The following NDUFAF2 variants were observed in gnomAD, a reference collection of about 807,000 sequenced individuals.
The protein encoded by NDUFAF2 is NADH:ubiquinone oxidoreductase complex assembly factor 2.
A neutral mutation model predicts 22.8 loss-of-function variants in NDUFAF2; 13 were observed. The observed-to-expected ratio is 0.57, with a 90% CI of 0.37 to 0.91. The LOEUF is 0.91. Ranked by LOEUF, NDUFAF2 falls within the 40% of genes least tolerant of loss-of-function variation. NDUFAF2 has a pLI of 0.01. For missense variants in NDUFAF2, 162 were observed against 195.2 expected, an observed-to-expected ratio of 0.83 and a Z score of 1.01; for synonymous variants, 53 against 64.2, an observed-to-expected ratio of 0.83 and a Z score of 0.84.
At chr5:61,005,709 T>C (rs188939141) in intron 1 of NDUFAF2, among the ~76,000 whole-genome samples, 1 of 152,368 alleles carries the variant, frequency 6.6e-6, no homozygotes, top group East Asian at 1.9e-4. Context: ...GAGCATTTTT[T>C]CATGTGTCTG....
intron 1 of NDUFAF2, among the ~76,000 whole-genome samples, chr5:60,955,676 C>T (rs888596301): frequency 1.3e-5 from 2 of 152,092 alleles, no homozygotes; most frequent in African/African-American, 4.8e-5. Context: ...AGCACTTTAA[C>T]AATATTAATT....
intron 1 of NDUFAF2, among the ~76,000 whole-genome samples, chr5:61,003,744 G>T (rs554131744): frequency 2.7e-5 from 4 of 150,646 alleles, no homozygotes; most frequent in Admixed American, 1.3e-4. Context: ...TCAAACTCCT[G>T]GTCTCAAGTG....
At chr5:61,060,003 C>G (rs1272421173) in intron 1 of NDUFAF2, among the ~76,000 whole-genome samples, 1 of 152,078 alleles carries the variant, frequency 6.6e-6, no homozygotes, top group Non-Finnish European at 1.5e-5. Context: ...AAATCTTAAA[C>G]AGAAAGAGCT....
chr5:60,962,955 G>A (rs1750710930), intron 1 of NDUFAF2, among the ~76,000 whole-genome samples: 2 of 151,776 alleles, frequency 1.3e-5, no homozygotes, highest in African/African-American at 4.8e-5. Context: ...GCGCGATCTC[G>A]GCTCACTGCA....
At chr5:61,106,686 C>A (rs573143496) in intron 3 of NDUFAF2, among the ~76,000 whole-genome samples, 2 of 150,886 alleles carry the variant, frequency 1.3e-5, no homozygotes, top group Non-Finnish European at 2.9e-5. Context: ...TCCCACCCCC[C>A]CTAACACCCA....
At chr5:61,026,529 A>G (rs1751652260) in intron 1 of NDUFAF2, among the ~76,000 whole-genome samples, 1 of 152,114 alleles carries the variant, frequency 6.6e-6, no homozygotes, top group African/African-American at 2.4e-5. Flanking sequence ...AAGTTAAAAA[A>G]GGTTGTATAG....
At chr5:60,960,082 C>A (rs1027152803) in intron 1 of NDUFAF2, among the ~76,000 whole-genome samples, 1 of 151,948 alleles carries the variant, frequency 6.6e-6, no homozygotes, top group African/African-American at 2.4e-5. Context: ...GTTTTCCCTG[C>A]CATAGAAATA....
intron 1 of NDUFAF2, among the ~76,000 whole-genome samples, chr5:61,001,816 C>T (rs1379619969): frequency 6.6e-6 from 1 of 152,062 alleles, no homozygotes; most frequent in Non-Finnish European, 1.5e-5. Context: ...ATATGGTCAC[C>T]TTATATAACA....
At chr5:60,990,556 G>A (rs329622) in intron 1 of NDUFAF2, among the ~76,000 whole-genome samples, 96,601 of 151,888 alleles carry the variant, frequency 0.64, 31,147 homozygotes, top group East Asian at 0.94. Flanking sequence ...TAGCTATGTT[G>A]CCCAGGCTGG....
intron 1 of NDUFAF2, among the ~76,000 whole-genome samples, chr5:61,053,318 T>C (rs1752048031): frequency 6.6e-6 from 1 of 152,238 alleles, no homozygotes; most frequent in African/African-American, 2.4e-5. Context: ...TCCCAATTAA[T>C]ACAATATTTT....
At position 60,956,898 on chromosome 5, in the gene NDUFAF2, G is replaced by T. The variant is rs925528223; in HGVS notation, c.127+11516G>T. Among the ~76,000 whole-genome samples, 52 of 151,832 alleles carry T rather than the reference G, an allele frequency of 3.4e-4. 1 individual carries two copies. On this transcript the variant is annotated intron_variant, in intron 1 of 3. Transcript: ENST00000296597. Reference sequence around the variant, plus strand: ...TTTTTTTAGTTAAAAAGAAAATACTGCCTTTTGAATATGAAGTTCTCAAAC... The same window carrying T: ...TTTTTTTAGTTAAAAAGAAAATACTTCCTTTTGAATATGAAGTTCTCAAAC...
intron 3 of NDUFAF2, among the ~76,000 whole-genome samples, chr5:61,130,863 AAC>A (rs1366576593): frequency 6.6e-6 from 1 of 152,168 alleles, no homozygotes; most frequent in Non-Finnish European, 1.5e-5. Flanking sequence ...ACAGACACAT[AAC>A]AATACGAAAC....
chr5:60,952,571 A>T (rs1750561843), intron 1 of NDUFAF2, among the ~76,000 whole-genome samples: 1 of 152,060 alleles, frequency 6.6e-6, no homozygotes, highest in Non-Finnish European at 1.5e-5. Context: ...CAGTTATTTT[A>T]AATGTATTGT....
chr5:61,041,945 G>A (rs1452508449), intron 1 of NDUFAF2, among the ~76,000 whole-genome samples: 1 of 152,168 alleles, frequency 6.6e-6, no homozygotes, highest in Admixed American at 6.6e-5. Context: ...CTTGAAGTCT[G>A]ACAGTTTTCC....
chr5:61,043,775 G>C (rs927342901), intron 1 of NDUFAF2, among the ~76,000 whole-genome samples: 1 of 151,704 alleles, frequency 6.6e-6, no homozygotes, highest in Non-Finnish European at 1.5e-5. Flanking sequence ...TGGACACTTA[G>C]GTTCTATCCA....
At chr5:61,069,797 C>CT (rs1752273639) in intron 1 of NDUFAF2, among the ~76,000 whole-genome samples, 1 of 151,906 alleles carries the variant, frequency 6.6e-6, no homozygotes, top group South Asian at 2.1e-4. Flanking sequence ...TCCTTTCTTT[C>CT]TTTTTTTAAA....
chr5:61,134,760 G>A (rs1740886786), intron 3 of NDUFAF2, among the ~76,000 whole-genome samples: 2 of 151,890 alleles, frequency 1.3e-5, no homozygotes, highest in Non-Finnish European at 2.9e-5. Context: ...ACAAATAAAC[G>A]TGTTTATCAA....
chr5:60,996,767 C>T (rs781356711), intron 1 of NDUFAF2, among the ~76,000 whole-genome samples: 1 of 152,072 alleles, frequency 6.6e-6, no homozygotes, highest in East Asian at 1.9e-4. Context: ...CCTCTGTAGG[C>T]GGGCTTAGCT....
At chr5:61,014,471 T>A (rs116407904) in intron 1 of NDUFAF2, among the ~76,000 whole-genome samples, 3 of 152,260 alleles carry the variant, frequency 2.0e-5, no homozygotes, top group Non-Finnish European at 4.4e-5. Context: ...TAAATTGTCT[T>A]CCTGAGTTCT....
Sources: gnomAD v4.1 joint callset for allele counts (sites outside exome capture counted in the v4.1 genomes callset) on GRCh38, gnomAD v4.1.1 for gene constraint, MANE v1.5 for transcripts, NCBI Gene and HGNC (gene_info 2026-07-23, HGNC 2026-07-21) for gene names.